Variants in DISC1 observed in about 807,000 individuals in gnomAD.
DISC1 encodes the protein disrupted in schizophrenia 1 protein.
Under a neutral mutation model 84.5 loss-of-function variants are expected in DISC1, and 57 were observed. That is an observed-to-expected ratio of 0.67 (90% CI 0.55 to 0.84). DISC1 has a LOEUF of 0.84. DISC1 is among the 40% of genes least tolerant of loss of function. The pLI, the probability that DISC1 is intolerant of heterozygous loss-of-function variation, is 0.00. For synonymous variants in DISC1, 411 were observed against 415.2 expected, an observed-to-expected ratio of 0.99 and a Z score of 0.12; for missense variants, 1,000 against 1,057.8, an observed-to-expected ratio of 0.95 and a Z score of 0.76.
chr1:231,989,130 G>C (rs930916961), intron 10 of DISC1, among the ~76,000 whole-genome samples: 1 of 152,106 alleles, frequency 6.6e-6, no homozygotes, highest in African/African-American at 2.4e-5. Context: ...CCCAGTTTAG[G>C]GACTGGTGGG....
Position 231,702,586 on chromosome 1 carries a change from G to T in DISC1, c.1117+562G>T, listed in dbSNP as rs2066552231. 3.0e-6 allele frequency: 3 copies of T among 985,162 alleles called. No homozygotes were observed. The South Asian group carries it at 1.4e-4, about 46-fold the overall frequency. The allele number at this position is 985,162 out of a possible 1,614,324, so 61.0% of individuals were successfully genotyped here. ...TGGCCTAAAATACCCAAGAGAAAAAGAAGTTACAACATTAGACCAGAGATA... is the reference window on the plus strand; with the variant it reads ...TGGCCTAAAATACCCAAGAGAAAAATAAGTTACAACATTAGACCAGAGATA... On this transcript the variant is annotated intron_variant, in intron 3 of 12. Transcript: ENST00000439617.
intron 5 of DISC1, among the ~76,000 whole-genome samples, chr1:231,767,750 G>A (rs1354832218): frequency 6.6e-6 from 1 of 152,230 alleles, no homozygotes; most frequent in Admixed American, 6.5e-5. Context: ...CATTACAAAC[G>A]AGGGTTGAAA....
chr1:231,638,350 T>C (rs2059361934), intron 1 of DISC1, among the ~76,000 whole-genome samples: 1 of 152,212 alleles, frequency 6.6e-6, no homozygotes, highest in Admixed American at 6.5e-5. Flanking sequence ...CATTTCCCTA[T>C]GCTTTTTTGT....
At chr1:231,664,416 C>T (rs1572641895) in intron 1 of DISC1, among the ~76,000 whole-genome samples, 1 of 152,116 alleles carries the variant, frequency 6.6e-6, no homozygotes, top group East Asian at 1.9e-4. Context: ...ATCCTGGAAC[C>T]TATGAATATT....
In DISC1 at chr1:231,800,106, A is replaced by C; in HGVS notation, c.1690-2A>C. ...GATTCCTGGTCATTTCTCTCCCCCT[A>C]GGTGTGTATGAGTGAGAAATTCTGC... is the stretch of plus-strand genomic sequence containing the variant. On this transcript the variant is annotated splice_acceptor_variant, in intron 7 of 12. Transcript: ENST00000439617. LOFTEE classifies it high-confidence loss of function. 1 of 1,604,102 alleles carries C rather than the reference A, an allele frequency of 6.2e-7. No homozygotes were observed.
chr1:231,934,127 AG>A lies in DISC1; in HGVS notation c.1982-24698del, dbSNP rs1308915504. Among the ~76,000 whole-genome samples, 3 of 152,274 alleles carry A rather than the reference AG, an allele frequency of 2.0e-5. No individual in the cohort carries two copies. The East Asian group carries it at 5.8e-4, about 29-fold the overall frequency. On this transcript the variant is annotated intron_variant, in intron 9 of 12. Coordinates refer to ENST00000439617, the MANE Select transcript of DISC1 (RefSeq NM_018662.3). Reference sequence around the variant, plus strand: ...AACAATGAAGAAAGTGGGAAGAGGGAGGGAGAATCCAGGCAGGAAAAGGGGG... The same window carrying A: ...AACAATGAAGAAAGTGGGAAGAGGGAGGAGAATCCAGGCAGGAAAAGGGGG...
At chr1:231,917,671 G>A (rs568879413) in intron 9 of DISC1, among the ~76,000 whole-genome samples, 4 of 152,288 alleles carry the variant, frequency 2.6e-5, no homozygotes, top group African/African-American at 7.2e-5. Context: ...GGAAGCCAGC[G>A]ATGGGGCAGG....
chr1:232,027,623 AATC>A (rs1669601230), intron 12 of DISC1, among the ~76,000 whole-genome samples: 1 of 152,222 alleles, frequency 6.6e-6, no homozygotes, highest in African/African-American at 2.4e-5. Context: ...TCAGTTATTT[AATC>A]ACAAGTTGAC....
intron 9 of DISC1, among the ~76,000 whole-genome samples, chr1:231,839,981 G>A (rs1402991745): frequency 6.6e-6 from 1 of 152,046 alleles, no homozygotes; most frequent in Admixed American, 6.6e-5. Flanking sequence ...CCAACATTGA[G>A]GAATCACATT....
intron 9 of DISC1, among the ~76,000 whole-genome samples, chr1:231,874,908 C>A (rs1474915304): frequency 7.0e-6 from 1 of 142,614 alleles, no homozygotes; most frequent in African/African-American, 2.7e-5. Flanking sequence ...CAGAGTGAGA[C>A]TCCGTCTCAA....
chr1:231,737,754 A>T (rs114581210), intron 3 of DISC1, among the ~76,000 whole-genome samples: 11 of 152,242 alleles, frequency 7.2e-5, no homozygotes, highest in Non-Finnish European at 1.0e-4. Context: ...AAGAGCTCAC[A>T]TATCTCCCTC....
At position 231,626,918 on chromosome 1, in the gene DISC1, C is replaced by G; in HGVS notation, c.51C>G (p.Gly17=). The G allele has an allele frequency of 6.7e-7, 1 of 1,502,788 alleles. No individual in the cohort carries two copies. Among genetic ancestry groups the G allele is most frequent in the Non-Finnish European group, 8.8e-7 (1 of 1,133,504 alleles). The allele number at this position is 1,502,788 out of a possible 1,614,324, so 93.1% of individuals were successfully genotyped here. ...QGAPAAAGGG[G]VSHRAGSRDC... ...CCCCAGCCGCCGCCGGCGGCGGCGGCGTGAGCCACCGCGCAGGTAGGGGAG... is the reference window on the plus strand; with the variant it reads ...CCCCAGCCGCCGCCGGCGGCGGCGGGGTGAGCCACCGCGCAGGTAGGGGAG... The change falls in exon 1 of 13, where the codon GGC becomes GGG. Residue 17 remains glycine, a synonymous_variant. Coordinates refer to ENST00000439617, the MANE Select transcript of DISC1 (RefSeq NM_018662.3).
intron 3 of DISC1, among the ~76,000 whole-genome samples, chr1:231,726,555 G>T (rs1164877384): frequency 6.6e-6 from 1 of 152,158 alleles, no homozygotes; most frequent in Non-Finnish European, 1.5e-5. Flanking sequence ...CGGGGCAACA[G>T]GGAAAGCCCC....
chr1:231,911,138 G>T (rs1489773141), intron 9 of DISC1, among the ~76,000 whole-genome samples: 3 of 152,154 alleles, frequency 2.0e-5, no homozygotes, highest in African/African-American at 7.2e-5. Flanking sequence ...CAATTTGCCA[G>T]TCTGTGTCTT....
intron 9 of DISC1, among the ~76,000 whole-genome samples, chr1:231,872,214 T>C (rs1373336378): frequency 6.6e-6 from 1 of 152,260 alleles, no homozygotes; most frequent in Non-Finnish European, 1.5e-5. Context: ...TATTGAATTA[T>C]GTAAGTACTT....
At chr1:231,726,687 AC>A (rs1292766745) in intron 3 of DISC1, among the ~76,000 whole-genome samples, 1 of 152,160 alleles carries the variant, frequency 6.6e-6, no homozygotes, top group East Asian at 1.9e-4. Flanking sequence ...TGATAGTATC[AC>A]CCCAGAATGT....
chr1:231,969,272 G>A (rs970273732), intron 10 of DISC1, among the ~76,000 whole-genome samples: 2 of 141,470 alleles, frequency 1.4e-5, no homozygotes, highest in Non-Finnish European at 3.0e-5. Flanking sequence ...AAAAAGAAAT[G>A]AGGTAATTGA....
At chr1:231,844,353 A>G (rs976370277) in intron 9 of DISC1, among the ~76,000 whole-genome samples, 6 of 152,200 alleles carry the variant, frequency 3.9e-5, no homozygotes, top group Non-Finnish European at 8.8e-5. Context: ...GAACAGCCAC[A>G]TGGAAGAGAT....
intron 4 of DISC1, among the ~76,000 whole-genome samples, chr1:231,756,907 C>G (rs1293208240): frequency 6.6e-6 from 1 of 152,142 alleles, no homozygotes; most frequent in Non-Finnish European, 1.5e-5. Flanking sequence ...TACCTAGTTG[C>G]TAAAATTTTT....
Sources: allele counts gnomAD v4.1 joint callset (sites outside exome capture counted in the v4.1 genomes callset), GRCh38; gene constraint gnomAD v4.1.1; transcripts MANE v1.5; gene names NCBI Gene and HGNC (gene_info 2026-07-23, HGNC 2026-07-21).